Variants in EFNA5 observed in about 807,000 individuals in gnomAD.
EFNA5 encodes the protein ephrin A5, also known as ephrin-A5.
In EFNA5, 5 loss-of-function variants were observed where a neutral mutation model predicts 22.9. That is an observed-to-expected ratio of 0.22 (90% CI 0.11 to 0.46). The LOEUF is 0.46. Ranked by LOEUF, EFNA5 falls within the 20% of genes least tolerant of loss-of-function variation. EFNA5 has a pLI of 0.99. For missense variants in EFNA5, 237 were observed against 293.3 expected (o/e 0.81, Z 1.40); for synonymous variants, 113 against 112.2 (o/e 1.01, Z -0.04).
At chr5:107,613,310 T>C (rs1422325274) in intron 1 of EFNA5, among the ~76,000 whole-genome samples, 3 of 152,156 alleles carry the variant, frequency 2.0e-5, no homozygotes, top group African/African-American at 7.2e-5. Context: ...TCATCTAAGT[T>C]GCTTTTTTCA....
chr5:107,578,377 G>C (rs1415847022), intron 1 of EFNA5, among the ~76,000 whole-genome samples: 1 of 152,138 alleles, frequency 6.6e-6, no homozygotes, highest in Non-Finnish European at 1.5e-5. Flanking sequence ...TTGGGTTGTG[G>C]ATTTCAGGGG....
At chr5:107,474,870 A>G (rs1487054770) in intron 1 of EFNA5, among the ~76,000 whole-genome samples, 1 of 152,218 alleles carries the variant, frequency 6.6e-6, no homozygotes, top group Non-Finnish European at 1.5e-5. Flanking sequence ...GGAAAGGACA[A>G]TTATGTTGAC....
chr5:107,516,174 TTGTGTGTGTGTGTG>T (rs59824895), intron 1 of EFNA5, among the ~76,000 whole-genome samples: 4 of 139,612 alleles, frequency 2.9e-5, no homozygotes, highest in South Asian at 2.4e-4. Context: ...CTGGCTAGTT[TTGTGTGTGTGTGTG>T]TGTGTGTGTG....
chr5:107,494,407 G>A (rs31719), intron 1 of EFNA5, among the ~76,000 whole-genome samples: 55,750 of 152,100 alleles, frequency 0.37, 10,338 homozygotes, highest in South Asian at 0.49. Flanking sequence ...TGCGGAGGGT[G>A]TACTGGGTGC....
intron 1 of EFNA5, among the ~76,000 whole-genome samples, chr5:107,512,748 T>A (rs957737707): frequency 6.6e-6 from 1 of 151,898 alleles, no homozygotes; most frequent in Non-Finnish European, 1.5e-5. Context: ...TGCTAACCAC[T>A]CTTTCTGAGT....
intron 1 of EFNA5, among the ~76,000 whole-genome samples, chr5:107,629,488 T>C (rs1287107680): frequency 6.6e-6 from 1 of 152,110 alleles, no homozygotes; most frequent in African/African-American, 2.4e-5. Flanking sequence ...GGAAACCTAA[T>C]GTAAACTGTA....
At chr5:107,609,415 C>T (rs1749783280) in intron 1 of EFNA5, among the ~76,000 whole-genome samples, 1 of 152,076 alleles carries the variant, frequency 6.6e-6, no homozygotes, top group African/African-American at 2.4e-5. Context: ...TCCTGCCTTC[C>T]CGTGACTTGG....
chr5:107,635,787 GAC>G (rs1165766976), intron 1 of EFNA5, among the ~76,000 whole-genome samples: 2 of 152,170 alleles, frequency 1.3e-5, no homozygotes, highest in South Asian at 2.1e-4. Flanking sequence ...GCTCTGTGCA[GAC>G]ACACTGACAG....
In EFNA5 at chr5:107,670,625, A is replaced by T. The variant is rs769965845; in HGVS notation, c.-12T>A. On this transcript the variant is annotated 5_prime_UTR_variant, in exon 1 of 5. Transcript: ENST00000333274. ...TCCACGTGCAACATCACGCCTGGCC[A>T]GCGGCGGAGCCCCCGACGCGCCACT... 6.3e-7 allele frequency: 1 copy of T among 1,598,988 alleles called. No individual in the cohort carries two copies. The highest frequency in any genetic ancestry group is 8.5e-7 in the Non-Finnish European group (1 of 1,173,432).
At chr5:107,532,750 T>C (rs564189829) in intron 1 of EFNA5, among the ~76,000 whole-genome samples, 6 of 152,308 alleles carry the variant, frequency 3.9e-5, no homozygotes, top group Non-Finnish European at 7.4e-5. Flanking sequence ...TCGTCAAGCA[T>C]CCTGGTTGCC....
chr5:107,660,611 T>C (rs1750934217), intron 1 of EFNA5, among the ~76,000 whole-genome samples: 1 of 152,082 alleles, frequency 6.6e-6, no homozygotes, highest in East Asian at 1.9e-4. Context: ...GTTTTTTGCC[T>C]GGCTTTTCAC....
At chr5:107,606,270 T>C (rs1749710403) in intron 1 of EFNA5, among the ~76,000 whole-genome samples, 1 of 152,240 alleles carries the variant, frequency 6.6e-6, no homozygotes, top group East Asian at 1.9e-4. Flanking sequence ...AAAATTGATT[T>C]TCACCAGCTC....
intron 1 of EFNA5, among the ~76,000 whole-genome samples, chr5:107,610,600 G>A (rs952771636): frequency 1.3e-5 from 2 of 152,110 alleles, no homozygotes; most frequent in South Asian, 2.1e-4. Flanking sequence ...ATCACAAAAC[G>A]TATCTCTTTT....
At chr5:107,504,274 C>T (rs925442086) in intron 1 of EFNA5, among the ~76,000 whole-genome samples, 2 of 152,004 alleles carry the variant, frequency 1.3e-5, no homozygotes, top group African/African-American at 4.8e-5. Flanking sequence ...TATCTTTTAA[C>T]ATAATTATTT....
At chr5:107,655,217 C>T (rs1025128946) in intron 1 of EFNA5, among the ~76,000 whole-genome samples, 1 of 152,096 alleles carries the variant, frequency 6.6e-6, no homozygotes, top group Non-Finnish European at 1.5e-5. Context: ...TATCATTCAT[C>T]AGACATGGAA....
chr5:107,407,699 G>C (rs1432222222), intron 2 of EFNA5, among the ~76,000 whole-genome samples: 1 of 152,186 alleles, frequency 6.6e-6, no homozygotes, highest in Non-Finnish European at 1.5e-5. Flanking sequence ...TTATGAAACA[G>C]TTTAGTTGAA....
At chr5:107,652,129 T>C (rs1250143430) in intron 1 of EFNA5, among the ~76,000 whole-genome samples, 4 of 152,162 alleles carry the variant, frequency 2.6e-5, no homozygotes, top group African/African-American at 9.6e-5. Flanking sequence ...CAACCTTAAA[T>C]TCACACTCCA....
intron 1 of EFNA5, among the ~76,000 whole-genome samples, chr5:107,446,041 G>T (rs561978566): frequency 6.6e-6 from 1 of 152,224 alleles, no homozygotes; most frequent in African/African-American, 2.4e-5. Flanking sequence ...TTCGAATCTG[G>T]GCTCTGCTGC....
At chr5:107,629,693 C>A (rs1031475395) in intron 1 of EFNA5, among the ~76,000 whole-genome samples, 1 of 152,168 alleles carries the variant, frequency 6.6e-6, no homozygotes, top group Non-Finnish European at 1.5e-5. Context: ...AACCTATGGC[C>A]CACAGGCCAC....
Sources: gnomAD v4.1 joint callset for allele counts (sites outside exome capture counted in the v4.1 genomes callset) on GRCh38, gnomAD v4.1.1 for gene constraint, MANE v1.5 for transcripts, NCBI Gene and HGNC (gene_info 2026-07-23, HGNC 2026-07-21) for gene names.